PCDH15: variants seen among roughly 807,000 people sequenced by gnomAD.
The protein encoded by PCDH15 is protocadherin related 15, also known as protocadherin-15.
PCDH15 carries 129 observed loss-of-function variants against 178.5 expected under a neutral mutation model. The ratio of observed to expected loss-of-function variants is 0.72; its 90% CI spans 0.63 to 0.84. The LOEUF is 0.84. Among genes scored for constraint, PCDH15 ranks in the 40% least tolerant of loss-of-function variants. The pLI, the probability that PCDH15 is intolerant of heterozygous loss-of-function variation, is 0.00. For synonymous variants in PCDH15, 800 were observed against 732.0 expected (o/e 1.09, Z -1.50); for missense variants, 2,230 against 2,099.9 (o/e 1.06, Z -1.21).
At chr10:54,339,759 T>A (rs1423830256) in intron 6 of PCDH15, among the ~76,000 whole-genome samples, 1 of 152,210 alleles carries the variant, frequency 6.6e-6, no homozygotes, top group Non-Finnish European at 1.5e-5. Context: ...ATGAATGATC[T>A]ATCTTGAAAA....
At chr10:54,583,662 A>G (rs140061555) in intron 2 of PCDH15, among the ~76,000 whole-genome samples, 175 of 152,294 alleles carry the variant, frequency 1.1e-3, no homozygotes, top group African/African-American at 4.0e-3. Flanking sequence ...CTACTAAAAA[A>G]AAGTTCATAT....
intron 2 of PCDH15, among the ~76,000 whole-genome samples, chr10:54,541,418 G>T (rs2085207873): frequency 6.6e-6 from 1 of 152,024 alleles, no homozygotes; most frequent in Non-Finnish European, 1.5e-5. Context: ...AAATTACATA[G>T]TGATAATGGA....
intron 1 of PCDH15, among the ~76,000 whole-genome samples, chr10:54,703,682 G>A (rs967213962): frequency 6.6e-6 from 1 of 151,802 alleles, no homozygotes; most frequent in African/African-American, 2.4e-5. Context: ...GGAGGCAAAA[G>A]GTACCTATAA....
At chr10:54,503,352 A>G (rs1384314292) in intron 3 of PCDH15, among the ~76,000 whole-genome samples, 2 of 148,898 alleles carry the variant, frequency 1.3e-5, no homozygotes. Context: ...AAGACAACAC[A>G]GAGAGAATAT....
At chr10:55,395,846 A>C (rs1009011243) in intron 2 of PCDH15, among the ~76,000 whole-genome samples, 1 of 151,452 alleles carries the variant, frequency 6.6e-6, no homozygotes, top group Non-Finnish European at 1.5e-5. Flanking sequence ...CCTATATCAC[A>C]AAAAAAACCA....
intron 3 of PCDH15, among the ~76,000 whole-genome samples, chr10:54,394,512 G>GAATA (rs1464074107): frequency 3.3e-5 from 5 of 152,068 alleles, no homozygotes; most frequent in Non-Finnish European, 7.4e-5. Flanking sequence ...AATAGGTGTG[G>GAATA]GTCACAGACA....
At chr10:55,338,824 G>A (rs559186548) in intron 2 of PCDH15, among the ~76,000 whole-genome samples, 2 of 152,152 alleles carry the variant, frequency 1.3e-5, no homozygotes, top group African/African-American at 4.8e-5. Flanking sequence ...CCTTTGATTG[G>A]CAACAACGTG....
chr10:55,257,805 T>C (rs931896940), intron 1 of PCDH15, among the ~76,000 whole-genome samples: 5 of 152,222 alleles, frequency 3.3e-5, no homozygotes, highest in East Asian at 3.9e-4. Context: ...CTCTGCAGGA[T>C]ATTATCCAGG....
chr10:53,857,076 C>A (rs2078797643), intron 28 of PCDH15, 99 bp downstream of exon 28: 2 of 872,552 alleles, frequency 2.3e-6, no homozygotes, highest in Non-Finnish European at 1.8e-6. Context: ...TGTAACACAC[C>A]TGCACATGTA....
chr10:54,153,166 A>G lies in PCDH15; in HGVS notation c.1718T>C (p.Met573Thr), dbSNP rs758717480. 6.2e-7 allele frequency: 1 copy of G among 1,613,894 alleles called. No individual in the cohort carries two copies. Among genetic ancestry groups the G allele is most frequent in the Non-Finnish European group, 8.5e-7 (1 of 1,179,892 alleles). The change falls in exon 14 of 38, where the codon ATG becomes ACG. Residue 573 changes from methionine to threonine, a missense_variant. Met to Thr is a moderately conservative substitution (Grantham distance 81). Transcript: ENST00000644397. ...GAGTGCGTAAGTCCGCCCGACTATC[A>G]TTTCCACCCCTGGAGCGATGGTGAT... ...GLITIAPGVEMIVGRTYALTV... is the reference protein window; with the variant it reads ...GLITIAPGVETIVGRTYALTV...
At chr10:54,502,701 A>G (rs2080807728) in intron 3 of PCDH15, among the ~76,000 whole-genome samples, 2 of 152,070 alleles carry the variant, frequency 1.3e-5, no homozygotes, top group Admixed American at 1.3e-4. Flanking sequence ...TATTTCCTCA[A>G]TTTTATAAAT....
chr10:54,928,087 C>G (rs969981989), intron 2 of PCDH15, among the ~76,000 whole-genome samples: 1 of 152,072 alleles, frequency 6.6e-6, no homozygotes, highest in African/African-American at 2.4e-5. Flanking sequence ...TATTTTCTTT[C>G]CATATATAAT....
chr10:54,124,022 C>T (rs2041784765), intron 15 of PCDH15, among the ~76,000 whole-genome samples: 1 of 152,120 alleles, frequency 6.6e-6, no homozygotes, highest in African/African-American at 2.4e-5. Flanking sequence ...TGAGAGGGAG[C>T]GTAGCAAGGC....
chr10:55,295,186 C>G (rs981619392), intron 1 of PCDH15, among the ~76,000 whole-genome samples: 1 of 152,164 alleles, frequency 6.6e-6, no homozygotes, highest in Non-Finnish European at 1.5e-5. Context: ...TATGCAAAAT[C>G]TAGTCTCAAT....
intron 2 of PCDH15, among the ~76,000 whole-genome samples, chr10:54,989,598 C>T (rs571831887): frequency 6.6e-6 from 1 of 152,286 alleles, no homozygotes; most frequent in Non-Finnish European, 1.5e-5. Context: ...TTGCATGGGG[C>T]CTGTAGCCCC....
intron 2 of PCDH15, among the ~76,000 whole-genome samples, chr10:55,419,597 T>C (rs774629655): frequency 2.6e-5 from 4 of 151,810 alleles, no homozygotes; most frequent in African/African-American, 4.8e-5. Flanking sequence ...ATTCTCACAA[T>C]AGTGGTTTAA....
chr10:55,459,387 A>G (rs905496895), intron 2 of PCDH15, among the ~76,000 whole-genome samples: 5 of 152,090 alleles, frequency 3.3e-5, no homozygotes, highest in African/African-American at 1.2e-4. Context: ...CTGAAATCCA[A>G]TGGAGTAAAT....
chr10:54,535,661 G>A (rs2084421884), intron 2 of PCDH15, among the ~76,000 whole-genome samples: 1 of 126,384 alleles, frequency 7.9e-6, no homozygotes, highest in Non-Finnish European at 1.6e-5. Context: ...AGTGAGCTGA[G>A]ATGGTGCCAC....
intron 2 of PCDH15, among the ~76,000 whole-genome samples, chr10:54,620,937 G>C (rs116381151): frequency 0.034 from 5,144 of 151,954 alleles, 270 homozygotes; most frequent in African/African-American, 0.11. Flanking sequence ...TTTTAATAAA[G>C]AAGTAAGAAC....
Sources: gnomAD v4.1 joint callset for allele counts (sites outside exome capture counted in the v4.1 genomes callset) on GRCh38, gnomAD v4.1.1 for gene constraint, MANE v1.5 for transcripts, NCBI Gene and HGNC (gene_info 2026-07-23, HGNC 2026-07-21) for gene names.